The following CRACR2A variants were observed in gnomAD, a reference collection of about 807,000 sequenced individuals.
CRACR2A encodes EF-hand calcium-binding domain-containing protein 4B.
A neutral mutation model predicts 90.5 loss-of-function variants in CRACR2A; 79 were observed. That is an observed-to-expected ratio of 0.87 (90% CI 0.73 to 1.05). The LOEUF (loss-of-function observed/expected upper bound fraction) is 1.05. Among genes scored for constraint, CRACR2A ranks in the 50% least tolerant of loss-of-function variants. The probability of loss-of-function intolerance (pLI) is 0.00; values close to 1 mark genes in which losing one functional copy is unlikely to be tolerated. For missense variants in CRACR2A, 823 were observed against 897.2 expected (o/e 0.92, Z 1.06); for synonymous variants, 338 against 356.7 (o/e 0.95, Z 0.59).
At chr12:3,666,364 T>TGTGTGTGTGTGTGCGCGCGC (rs765943563) in intron 7 of CRACR2A, among the ~76,000 whole-genome samples, 2 of 149,498 alleles carry the variant, frequency 1.3e-5, no homozygotes, top group African/African-American at 2.5e-5. Flanking sequence ...TGCGTGCGTG[T>TGTGTGTGTGTGTGCGCGCGC]GCGCGTGCGC....
In CRACR2A at chr12:3,644,591, T is replaced by C; in HGVS notation, c.1164+4A>G. 1.3e-6 allele frequency: 2 copies of C among 1,551,342 alleles called. No individual in the cohort carries two copies. Among genetic ancestry groups the C allele is most frequent in the Non-Finnish European group, 1.7e-6 (2 of 1,146,962 alleles). On this transcript the variant is annotated splice_donor_region_variant and intron_variant, in intron 12 of 19. Coordinates refer to ENST00000440314, the MANE Select transcript of CRACR2A (RefSeq NM_001144958.2). ...CCACAGGTAAGGGAGAACTGGCCAA[T>C]TACCTGAAAACATATGTCCCGTTCA... is the stretch of plus-strand genomic sequence containing the variant.
chr12:3,709,504 G>T (rs7316397), intron 3 of CRACR2A, among the ~76,000 whole-genome samples: 21 of 152,110 alleles, frequency 1.4e-4, no homozygotes, highest in African/African-American at 5.1e-4. Flanking sequence ...CTGGCTGGGC[G>T]CAGTGGCTCA....
intron 6 of CRACR2A, among the ~76,000 whole-genome samples, chr12:3,677,699 C>A (rs1158333397): frequency 2.0e-5 from 3 of 152,186 alleles, no homozygotes; most frequent in Non-Finnish European, 4.4e-5. Context: ...TTCCCACCCA[C>A]CTGTGCCCCT....
At chr12:3,710,687 G>A (rs147988258) in intron 3 of CRACR2A, among the ~76,000 whole-genome samples, 1,858 of 152,086 alleles carry the variant, frequency 0.012, 44 homozygotes, top group African/African-American at 0.042. Context: ...CAGCTACTCG[G>A]GAGGCTGAGG....
intron 13 of CRACR2A, chr12:3,640,859 T>C (rs1468237193): frequency 1.6e-6 from 2 of 1,286,748 alleles, no homozygotes; most frequent in East Asian, 5.6e-5. Context: ...AGCCAACCCT[T>C]GGGTACTCAA....
chr12:3,715,431 G>C (rs1946069959), intron 2 of CRACR2A, among the ~76,000 whole-genome samples: 1 of 152,216 alleles, frequency 6.6e-6, no homozygotes, highest in Admixed American at 6.5e-5. Flanking sequence ...AAGGGTGTAT[G>C]TTTTGGATGC....
intron 2 of CRACR2A, among the ~76,000 whole-genome samples, chr12:3,720,460 A>AAAGAAAGAAAGAAAGC (rs1565501242): frequency 4.1e-5 from 6 of 147,636 alleles, no homozygotes; most frequent in Non-Finnish European, 8.8e-5. Flanking sequence ...AGAAAGAAAG[A>AAAGAAAGAAAGAAAGC]AAGAAAGCAA....
At chr12:3,671,479 G>A (rs1268804319) in intron 7 of CRACR2A, among the ~76,000 whole-genome samples, 5 of 152,146 alleles carry the variant, frequency 3.3e-5, no homozygotes, top group African/African-American at 1.2e-4. Flanking sequence ...AGAAACTCCT[G>A]ATTCCGAGCC....
intron 2 of CRACR2A, 25 bp from the exon 3 acceptor site, chr12:3,713,342 C>T: frequency 3.1e-6 from 3 of 979,468 alleles, no homozygotes; most frequent in Non-Finnish European, 3.6e-6. Flanking sequence ...AGAGATGAAT[C>T]ACACCTTATT....
intron 3 of CRACR2A, among the ~76,000 whole-genome samples, chr12:3,699,011 C>A (rs554333471): frequency 6.6e-6 from 1 of 152,300 alleles, no homozygotes; most frequent in South Asian, 2.1e-4. Flanking sequence ...TCCTTGAGTG[C>A]TTTCTCTTGC....
intron 1 of CRACR2A, among the ~76,000 whole-genome samples, chr12:3,747,443 A>G (rs1946643839): frequency 6.6e-6 from 1 of 152,192 alleles, no homozygotes; most frequent in South Asian, 2.1e-4. Flanking sequence ...TCCCTCCCGC[A>G]TCAGCACCAA....
intron 19 of CRACR2A, among the ~76,000 whole-genome samples, chr12:3,616,026 G>A (rs1262578945): frequency 1.3e-5 from 2 of 152,232 alleles, no homozygotes; most frequent in Admixed American, 6.5e-5. Context: ...TTTGCGTTAC[G>A]CACCTCCTTT....
In CRACR2A at chr12:3,740,860, A is replaced by C. The variant is rs138272183; in HGVS notation, c.-386-7650T>G. On this transcript the variant is annotated intron_variant, in intron 1 of 19. Transcript: ENST00000440314. ...CCTCAGTTTCCTCACCTTTAAGTTA[A>C]GGAAAATAATAATTGTACCAGCTTG... 2.4e-3 allele frequency among the ~76,000 whole-genome samples: 358 copies of C among 152,340 alleles called. 1 individual carries two copies. Among genetic ancestry groups the C allele is most frequent in the Non-Finnish European group, 4.0e-3 (269 of 68,034 alleles).
At chr12:3,630,540 G>C (rs1387827108) in intron 15 of CRACR2A, among the ~76,000 whole-genome samples, 1 of 152,206 alleles carries the variant, frequency 6.6e-6, no homozygotes, top group African/African-American at 2.4e-5. Flanking sequence ...CTTGGATTCT[G>C]GCCTGTGATT....
intron 3 of CRACR2A, among the ~76,000 whole-genome samples, chr12:3,712,234 T>A (rs1254562037): frequency 5.9e-5 from 9 of 151,766 alleles, no homozygotes. Flanking sequence ...TTTTTTTTTT[T>A]AAAGTGGGGA....
chr12:3,741,005 C>T (rs537019625), intron 1 of CRACR2A, among the ~76,000 whole-genome samples: 22 of 152,202 alleles, frequency 1.4e-4, no homozygotes, highest in Non-Finnish European at 2.2e-4. Flanking sequence ...CTCCTTCTTC[C>T]TTTCTTCTCC....
intron 3 of CRACR2A, among the ~76,000 whole-genome samples, chr12:3,712,640 T>A (rs1344635789): frequency 6.6e-6 from 1 of 152,144 alleles, no homozygotes; most frequent in East Asian, 1.9e-4. Context: ...CAGGCCCACC[T>A]CCAAAACTAG....
chr12:3,673,549 CCT>C lies in CRACR2A; in HGVS notation c.566_567del (p.Glu189GlyfsTer9). On this transcript the variant is annotated frameshift_variant, in exon 7 of 20. Coordinates refer to ENST00000440314, the MANE Select transcript of CRACR2A (RefSeq NM_001144958.2). LOFTEE classifies it high-confidence loss of function. ...TCAAAGTTGGACAGTAAATGAGGTT[CCT>C]CCTTCTTCAGCTGCAACCAGAGCTG... is the stretch of plus-strand genomic sequence containing the variant. ...VKQLWLQLKK[E>X]EPHLLSNFED... 1 of 1,613,960 alleles carries C rather than the reference CCT, an allele frequency of 6.2e-7. No homozygotes were observed. The highest frequency in any genetic ancestry group is 8.5e-7 in the Non-Finnish European group (1 of 1,179,996).
intron 14 of CRACR2A, among the ~76,000 whole-genome samples, chr12:3,637,053 G>A (rs1944467854): frequency 6.6e-6 from 1 of 152,208 alleles, no homozygotes. Flanking sequence ...TCCCAAACGA[G>A]GCAAAGAGCA....
Sources: gnomAD v4.1 joint callset for allele counts (sites outside exome capture counted in the v4.1 genomes callset) on GRCh38, gnomAD v4.1.1 for gene constraint, MANE v1.5 for transcripts, NCBI Gene and HGNC (gene_info 2026-07-23, HGNC 2026-07-21) for gene names.